SH3BP4: variants seen among roughly 807,000 people sequenced by gnomAD.
SH3BP4 encodes the protein SH3 domain-binding protein 4.
SH3BP4 carries 33 observed loss-of-function variants against 65.5 expected under a neutral mutation model. The ratio of observed to expected loss-of-function variants is 0.50; its 90% CI spans 0.38 to 0.67. The LOEUF is 0.67. SH3BP4 is among the 30% of genes least tolerant of loss of function. The probability of loss-of-function intolerance (pLI) is 0.00; values close to 1 mark genes in which losing one functional copy is unlikely to be tolerated. For synonymous variants in SH3BP4, 552 were observed against 545.5 expected, an observed-to-expected ratio of 1.01 and a Z score of -0.17; for missense variants, 1,134 against 1,261.4, an observed-to-expected ratio of 0.90 and a Z score of 1.53.
intron 3 of SH3BP4, among the ~76,000 whole-genome samples, chr2:235,038,306 T>TA (rs1476472716): frequency 0.012 from 159 of 12,780 alleles, 7 homozygotes; most frequent in African/African-American, 0.1. Context: ...ATATTATATA[T>TA]ATATATTATA....
At position 235,052,574 on chromosome 2, in the gene SH3BP4, A is replaced by T; in HGVS notation, c.2491A>T (p.Met831Leu). The change falls in exon 5 of 6, where the codon ATG (methionine) becomes TTG (leucine). Residue 831 changes from methionine to leucine, a missense_variant. Met to Leu is a conservative substitution (Grantham distance 15, BLOSUM62 2). Coordinates refer to ENST00000392011, the MANE Select transcript of SH3BP4 (RefSeq NM_014521.3). This position sits in a 1 kb window ranked among gnomAD's most constrained non-coding sequence, Gnocchi z 5.0. ...QKELVMALLK[M>L]DCQGLVVRLI... Reference sequence around the variant, plus strand: ...TCTTCCTCTGCAGGCCCTACTGAAGATGGACTGCCAGGGCCTGGTGGTCAG... The same window carrying T: ...TCTTCCTCTGCAGGCCCTACTGAAGTTGGACTGCCAGGGCCTGGTGGTCAG... 6.5e-7 allele frequency: 1 copy of T among 1,549,176 alleles called. No homozygotes were observed. The highest frequency in any genetic ancestry group is 8.7e-7 in the Non-Finnish European group (1 of 1,145,624).
At chr2:235,047,794 G>A (rs1298062300) in intron 4 of SH3BP4, among the ~76,000 whole-genome samples, 5 of 152,142 alleles carry the variant, frequency 3.3e-5, no homozygotes, top group African/African-American at 4.8e-5. Flanking sequence ...TGGAGCCGTC[G>A]GTGATGGCTG....
In SH3BP4 at chr2:234,972,271, A is replaced by G. The variant is rs372451653; in HGVS notation, c.-207+20101A>G. ...CTCAGCCTCCTGAGTAGCTGGGATT[A>G]TAGGCACGCACCACCATGCCCGGCT... On this transcript the variant is annotated intron_variant, in intron 1 of 5. Coordinates refer to ENST00000392011, the MANE Select transcript of SH3BP4 (RefSeq NM_014521.3). Among the ~76,000 whole-genome samples, 33 of 151,918 alleles carry G rather than the reference A, an allele frequency of 2.2e-4. No individual in the cohort carries two copies. The East Asian group carries it at 5.3e-3, about 24-fold the overall frequency.
At chr2:234,956,372 CAAAT>C (rs1692586050) in intron 1 of SH3BP4, among the ~76,000 whole-genome samples, 1 of 152,160 alleles carries the variant, frequency 6.6e-6, no homozygotes, top group Non-Finnish European at 1.5e-5. Flanking sequence ...TCTTTACAAT[CAAAT>C]AAATGACATA....
intron 2 of SH3BP4, among the ~76,000 whole-genome samples, chr2:235,020,671 GACTACTGCTGTTACT>G (rs1184265696): frequency 6.6e-6 from 1 of 152,156 alleles, no homozygotes; most frequent in Non-Finnish European, 1.5e-5. Flanking sequence ...GTCCTCTTCC[GACTACTGCTGTTACT>G]ACTACAGCTA....
chr2:235,007,786 C>T (rs906351418), intron 2 of SH3BP4, among the ~76,000 whole-genome samples: 1 of 152,078 alleles, frequency 6.6e-6, no homozygotes, highest in Non-Finnish European at 1.5e-5. Flanking sequence ...ATGGGTAGTG[C>T]TGAGGAGGCA....
Position 235,052,804 on chromosome 2 carries a change from T to C in SH3BP4, c.2667+54T>C. 1 of 1,468,876 alleles carries C rather than the reference T, an allele frequency of 6.8e-7. No homozygotes were observed. The highest frequency in any genetic ancestry group is 9.2e-7 in the Non-Finnish European group (1 of 1,092,510). 91.0% of individuals were successfully genotyped at this position (1,468,876 alleles called of 1,614,324 possible). ...CGAGCCCCTCTGTCCCTGGGTTCCG[T>C]GGACCCATGCAGTGCAGCCATAAAA... On this transcript the variant is annotated intron_variant, in intron 5 of 5. Coordinates refer to ENST00000392011, the MANE Select transcript of SH3BP4 (RefSeq NM_014521.3). This position sits in a 1 kb window ranked among gnomAD's most constrained non-coding sequence, Gnocchi z 5.0.
At chr2:234,984,996 T>C (rs1247436182) in intron 1 of SH3BP4, among the ~76,000 whole-genome samples, 1 of 152,126 alleles carries the variant, frequency 6.6e-6, no homozygotes, top group African/African-American at 2.4e-5. Flanking sequence ...TAGAATTGTC[T>C]TTCTGGAGGC....
chr2:235,008,269 G>A (rs1475978589), intron 2 of SH3BP4, among the ~76,000 whole-genome samples: 1 of 152,172 alleles, frequency 6.6e-6, no homozygotes, highest in African/African-American at 2.4e-5. Flanking sequence ...GAAGCCCTGG[G>A]TTGGGACAGC....
chr2:235,000,864 C>T (rs186403176), intron 2 of SH3BP4, among the ~76,000 whole-genome samples: 54 of 152,356 alleles, frequency 3.5e-4, no homozygotes, highest in Non-Finnish European at 6.0e-4. Context: ...CCTTTTTCTG[C>T]ACTGGTGGTG....
At chr2:235,008,332 G>T (rs1417015679) in intron 2 of SH3BP4, among the ~76,000 whole-genome samples, 1 of 152,102 alleles carries the variant, frequency 6.6e-6, no homozygotes, top group Non-Finnish European at 1.5e-5. Flanking sequence ...TGGTCGCCTG[G>T]CATGAGCTCT....
intron 4 of SH3BP4, among the ~76,000 whole-genome samples, chr2:235,044,038 A>T (rs997914172): frequency 1.3e-5 from 2 of 152,212 alleles, no homozygotes; most frequent in African/African-American, 2.4e-5. Flanking sequence ...TTGGGAGCAG[A>T]TGTGGTTCGT....
Position 235,043,107 on chromosome 2 carries a change from A to G in SH3BP4, c.2338A>G (p.Asn780Asp). The change falls in exon 4 of 6, where the codon AAC (asparagine) becomes GAC (aspartate). Residue 780 changes from asparagine to aspartate, a missense_variant. By Grantham distance (23) the Asn-to-Asp change is conservative. Coordinates refer to ENST00000392011, the MANE Select transcript of SH3BP4 (RefSeq NM_014521.3). ...CTTCGCTGACGCCCTGGGCTACGTG[A>G]ACCTGCCGCTCACCTTTTTCTGCCG... ...RSFADALGYV[N>D]LPLTFFCRAE... 1 of 1,613,656 alleles carries G rather than the reference A, an allele frequency of 6.2e-7. No individual in the cohort carries two copies. The highest frequency in any genetic ancestry group is 8.5e-7 in the Non-Finnish European group (1 of 1,179,980).
At position 235,019,896 on chromosome 2, in the gene SH3BP4, A is replaced by AT. The variant is rs1263672031; in HGVS notation, c.-132-14974dup. ...CTTAAAAAAAAAAAAAAAAAAAAAAATCTTTAAAAGAGACAAAAGCAAGTT... is the reference window on the plus strand; with the variant it reads ...CTTAAAAAAAAAAAAAAAAAAAAAAATTCTTTAAAAGAGACAAAAGCAAGTT... On this transcript the variant is annotated intron_variant, in intron 2 of 5. Coordinates refer to ENST00000392011, the MANE Select transcript of SH3BP4 (RefSeq NM_014521.3). Among the ~76,000 whole-genome samples the AT allele has an allele frequency of 6.1e-5, 9 of 147,718 alleles. 1 individual carries two copies. The highest frequency in any genetic ancestry group is 2.2e-4 in the African/African-American group (9 of 40,262).
chr2:234,984,004 G>A (rs149992850), intron 1 of SH3BP4, among the ~76,000 whole-genome samples: 1 of 152,342 alleles, frequency 6.6e-6, no homozygotes, highest in East Asian at 1.9e-4. Flanking sequence ...AGTCACGCAG[G>A]GTTCTGCGGC....
In SH3BP4 at chr2:234,991,824, T is replaced by C. The variant is rs1693756814; in HGVS notation, c.-206-3479T>C. Among the ~76,000 whole-genome samples, 1 of 152,052 alleles carries C rather than the reference T, an allele frequency of 6.6e-6. No homozygotes were observed. Among genetic ancestry groups the C allele is most frequent in the African/African-American group, 2.4e-5 (1 of 41,400 alleles). ...CCCGGACATGACAAGCCAGATTCTCTCCTCCCTCCACTCCAGCACTGAGGG... is the reference window on the plus strand; with the variant it reads ...CCCGGACATGACAAGCCAGATTCTCCCCTCCCTCCACTCCAGCACTGAGGG... On this transcript the variant is annotated intron_variant, in intron 1 of 5. Coordinates refer to ENST00000392011, the MANE Select transcript of SH3BP4 (RefSeq NM_014521.3). This position sits in a 1 kb window ranked among gnomAD's most constrained non-coding sequence, Gnocchi z 4.2.
chr2:234,981,907 C>T (rs1014578613), intron 1 of SH3BP4, among the ~76,000 whole-genome samples: 4 of 152,100 alleles, frequency 2.6e-5, no homozygotes, highest in African/African-American at 9.7e-5. Context: ...TATCGTGGAG[C>T]GCATCTCTTT....
At chr2:235,036,013 G>A (rs73995751) in intron 3 of SH3BP4, among the ~76,000 whole-genome samples, 7,119 of 152,228 alleles carry the variant, frequency 0.047, 539 homozygotes, top group African/African-American at 0.16. Context: ...TTGTATCCTC[G>A]GCCCCAGCCT....
chr2:235,051,954 C>T (rs1370374551), intron 4 of SH3BP4, among the ~76,000 whole-genome samples: 1 of 152,174 alleles, frequency 6.6e-6, no homozygotes, highest in African/African-American at 2.4e-5. Flanking sequence ...CCTGGGGCTG[C>T]CAAGACAAAT....
Sources: allele counts gnomAD v4.1 joint callset (sites outside exome capture counted in the v4.1 genomes callset), GRCh38; gene constraint gnomAD v4.1.1; non-coding constraint Gnocchi (gnomAD v3.1); transcripts MANE v1.5; gene names NCBI Gene and HGNC (gene_info 2026-07-23, HGNC 2026-07-21).